The following PNKP variants were observed in gnomAD, a reference collection of about 807,000 sequenced individuals.
The protein encoded by PNKP is bifunctional polynucleotide phosphatase/kinase.
Under a neutral mutation model 66.2 loss-of-function variants are expected in PNKP, and 82 were observed. The ratio of observed to expected loss-of-function variants is 1.24; its 90% CI spans 1.04 to 1.49. The LOEUF is 1.49. Among genes scored for constraint, PNKP ranks in the 40% most tolerant of loss-of-function variants. The pLI, the probability that PNKP is intolerant of heterozygous loss-of-function variation, is 0.00. For synonymous variants in PNKP, 412 were observed against 298.9 expected (o/e 1.38, Z -3.90); for missense variants, 907 against 706.8 (o/e 1.28, Z -3.21).
rs1387710027 is a variant in PNKP at position 49,862,680 on chromosome 19, A to G, written c.865+10T>C. 6.2e-7 allele frequency: 1 copy of G among 1,614,036 alleles called. No homozygotes were observed. Among genetic ancestry groups the G allele is most frequent in the South Asian group, 1.1e-5 (1 of 91,086 alleles). On this transcript the variant is annotated intron_variant, in intron 9 of 16. Transcript: ENST00000322344. ...TCCCAGCCCACCCTCAGCAGCCTCCAGGCCCTTACCTCCCACAAAGATGCT... is the reference window on the plus strand; with the variant it reads ...TCCCAGCCCACCCTCAGCAGCCTCCGGGCCCTTACCTCCCACAAAGATGCT...
At chr19:49,867,020 A>G (rs770449103) in intron 2 of PNKP, 34 bp downstream of exon 2, 1 of 1,608,168 alleles carries the variant, frequency 6.2e-7, no homozygotes, top group Non-Finnish European at 8.5e-7. Context: ...CTTTTGCAGC[A>G]GGCCACACCC....
chr19:49,863,839 C>A (rs758589572), intron 7 of PNKP, 79 bp from the exon 8 acceptor site: 4 of 1,417,434 alleles, frequency 2.8e-6, no homozygotes, highest in East Asian at 4.9e-5. Context: ...GAATTTGTAG[C>A]TGATGATGGG....
Position 49,867,099 on chromosome 19 carries a change from C to A in PNKP, c.106G>T (p.Gly36Ter). 6.2e-7 allele frequency: 1 copy of A among 1,613,732 alleles called. No homozygotes were observed. The highest frequency in any genetic ancestry group is 1.1e-5 in the South Asian group (1 of 91,082). ...SDGQALVLGR[G>*]PLTQVTDRKC... ...CGGTCCGTAACCTGGGTCAGGGGTC[C>A]CCTGCCCAGGACCAGGGCTTGCCCG... The change falls in exon 2 of 17, where the codon GGA becomes TGA. Residue 36 changes from glycine (G) to a stop codon, truncating the protein, a stop_gained. Transcript: ENST00000322344. LOFTEE classifies it high-confidence loss of function.
At position 49,862,588 on chromosome 19, in the gene PNKP, T is replaced by C; in HGVS notation, c.886A>G (p.Asn296Asp). ...TTCTTCTTCCGCCCCGGGGCCCAGT[T>C]GGCCGGGCGTCCGGCTGCGTCTGGA... ...FVGDAAGRPA[N>D]WAPGRKKKDF... Residue 296 changes from asparagine (N) to aspartate (D), a missense_variant, in exon 10 of 17, where the codon AAC becomes GAC. Physicochemically the swap from Asn to Asp is conservative, Grantham distance 23. Transcript: ENST00000322344. 1 of 1,613,484 alleles carries C rather than the reference T, an allele frequency of 6.2e-7. No individual in the cohort carries two copies. The highest frequency in any genetic ancestry group is 2.2e-5 in the East Asian group (1 of 44,850).
intron 13 of PNKP, 73 bp downstream of exon 13, chr19:49,861,971 C>A: frequency 6.3e-7 from 1 of 1,594,562 alleles, no homozygotes. Context: ...TGGAGGAAAG[C>A]CGCCCCAAAC....
Position 49,867,124 on chromosome 19 carries a change from G to A in PNKP, c.81C>T (p.Asp27=), listed in dbSNP as rs1226961947. The A allele has an allele frequency of 1.2e-6, 2 of 1,613,270 alleles. No homozygotes were observed. The highest frequency in any genetic ancestry group is 1.7e-5 in the Admixed American group (1 of 60,026). Residue 27 remains aspartate (D), a synonymous_variant, in exon 2 of 17, where the codon GAC becomes GAT. Transcript: ENST00000322344. ...CCCTGCCCAGGACCAGGGCTTGCCC[G>A]TCCGAGGGCAGGAAGATGGGGGGCG... ...GGAPPIFLPS[D]GQALVLGRGP... is the part of the protein sequence containing the mutation.
At chr19:49,866,563 C>CTA in intron 2 of PNKP, 118 bp from the exon 3 acceptor site, 1 of 960,932 alleles carries the variant, frequency 1.0e-6, no homozygotes, top group Non-Finnish European at 1.7e-6. Context: ...CAGTTTATTT[C>CTA]TACATGGGAT....
Position 49,866,792 on chromosome 19 carries a change from G to A in PNKP, c.151+262C>T, listed in dbSNP as rs190653738. On this transcript the variant is annotated intron_variant, in intron 2 of 16. Transcript: ENST00000322344. ...CATTTTTCTCTTGACGAAGGTCGTC[G>A]CCTGTTTCTGGATTTCCCGATGGCC... 1.6e-3 allele frequency: 964 copies of A among 597,708 alleles called. 10 individuals are homozygous for A. In the Middle Eastern group the frequency reaches 0.025, roughly 15 times the overall value. 37.0% of individuals were successfully genotyped at this position (597,708 alleles called of 1,614,324 possible). A position where few individuals can be genotyped will look rare whatever the true frequency, so the allele number is the denominator to read the frequency against.
chr19:49,861,232 G>A lies in PNKP; in HGVS notation c.*16C>T, dbSNP rs1482093239. 2 of 1,506,660 alleles carry A rather than the reference G, an allele frequency of 1.3e-6. No individual in the cohort carries two copies. Among genetic ancestry groups the A allele is most frequent in the Non-Finnish European group, 1.8e-6 (2 of 1,082,566 alleles). 93.3% of individuals were successfully genotyped at this position (1,506,660 alleles called of 1,614,324 possible). On this transcript the variant is annotated 3_prime_UTR_variant, in exon 17 of 17. Coordinates refer to ENST00000322344, the MANE Select transcript of PNKP (RefSeq NM_007254.4). ...AGGAGAAACAGCGTTTATTGTGGAG[G>A]GGAGCTGGGCGGGGCTCAGCCCTCG...
At position 49,864,077 on chromosome 19, in the gene PNKP, G is replaced by A. The variant is rs1421820816; in HGVS notation, c.637-6C>T. On this transcript the variant is annotated splice_region_variant and splice_polypyrimidine_tract_variant and intron_variant, in intron 6 of 16. Coordinates refer to ENST00000322344, the MANE Select transcript of PNKP (RefSeq NM_007254.4). ...TGGTTGGTGAAGATCACCAGCTGGG[G>A]AGCAAAGGGTGTCACCAGACGCTCT... 4 of 1,613,432 alleles carry A rather than the reference G, an allele frequency of 2.5e-6. No individual in the cohort carries two copies. The highest frequency in any genetic ancestry group is 3.4e-6 in the Non-Finnish European group (4 of 1,179,732).
At position 49,864,164 on chromosome 19, in the gene PNKP, G is replaced by T. The variant is rs773988123; in HGVS notation, c.636+15C>A. 1 of 1,612,818 alleles carries T rather than the reference G, an allele frequency of 6.2e-7. No homozygotes were observed. Among genetic ancestry groups the T allele is most frequent in the African/African-American group, 1.3e-5 (1 of 74,916 alleles). The stretch of plus-strand genomic sequence containing the variant: ...CCACGTGCACGTGCCCATGCAGACA[G>T]GCGGCTGCACATACCTTGTAGCCCT... On this transcript the variant is annotated intron_variant, in intron 6 of 16. Transcript: ENST00000322344.
In PNKP at chr19:49,861,892, G is replaced by T; in HGVS notation, c.1189-11C>A. The T allele has an allele frequency of 6.3e-7, 1 of 1,578,512 alleles. No homozygotes were observed. Among genetic ancestry groups the T allele is most frequent in the South Asian group, 1.1e-5 (1 of 88,706 alleles). On this transcript the variant is annotated splice_polypyrimidine_tract_variant and intron_variant, in intron 13 of 16. Transcript: ENST00000322344. Reference sequence around the variant, plus strand: ...GGAGCCTAGCGTGTCCTGGGGACACGAGAGGTCACAAACAGATCGGCAGAC... The same window carrying T: ...GGAGCCTAGCGTGTCCTGGGGACACTAGAGGTCACAAACAGATCGGCAGAC...
chr19:49,866,243 G>A (rs1243365106), intron 3 of PNKP, 156 bp downstream of exon 3: 3 of 751,110 alleles, frequency 4.0e-6, no homozygotes, highest in East Asian at 2.5e-5. Flanking sequence ...CAAGCGATCC[G>A]CCCGCCTCGG....
rs746607054 is a variant in PNKP at position 49,862,597 on chromosome 19, G to C, written c.877C>G (p.Arg293Gly). Residue 293 changes from arginine to glycine, a missense_variant, in exon 10 of 17, where the codon CGC becomes GGC. Coordinates refer to ENST00000322344, the MANE Select transcript of PNKP (RefSeq NM_007254.4). ...CGCCCCGGGGCCCAGTTGGCCGGGC[G>C]TCCGGCTGCGTCTGGAACACACGGG... ...DSIFVGDAAG[R>G]PANWAPGRKK... The C allele has an allele frequency of 1.9e-6, 3 of 1,613,510 alleles. No homozygotes were observed. Among genetic ancestry groups the C allele is most frequent in the Non-Finnish European group, 2.5e-6 (3 of 1,179,788 alleles).
Position 49,861,599 on chromosome 19 carries a change from C to A in PNKP, c.1386+9G>T, listed in dbSNP as rs756469407. The A allele has an allele frequency of 6.4e-7, 1 of 1,558,434 alleles. No individual in the cohort carries two copies. Among genetic ancestry groups the A allele is most frequent in the Non-Finnish European group, 8.7e-7 (1 of 1,152,380 alleles). On this transcript the variant is annotated intron_variant, in intron 15 of 16. Coordinates refer to ENST00000322344, the MANE Select transcript of PNKP (RefSeq NM_007254.4). Reference sequence around the variant, plus strand: ...CAGCCCGGGGGGTGTCCGGGCTGAGCGGGCTCACCCGGTTGTTGTGGCGCG... The same window carrying A: ...CAGCCCGGGGGGTGTCCGGGCTGAGAGGGCTCACCCGGTTGTTGTGGCGCG...
chr19:49,861,725 C>T (rs1424445765), intron 14 of PNKP, 30 bp from the exon 15 acceptor site: 9 of 1,549,032 alleles, frequency 5.8e-6, no homozygotes, highest in Non-Finnish European at 7.0e-6. Context: ...ATGTGCAGGC[C>T]CCGCCCACCC....
At position 49,863,977 on chromosome 19, in the gene PNKP, C is replaced by A. The variant is rs777786941; in HGVS notation, c.731G>T (p.Gly244Val). The change falls in exon 7 of 17, where the codon GGG becomes GTG. Residue 244 changes from glycine to valine, a missense_variant. Transcript: ENST00000322344. ...AKVEAVVEKL[G>V]VPFQVLVATH... The stretch of plus-strand genomic sequence containing the variant: ...TTCCAGCCATACCTGGAAGGGGACC[C>A]CCAGCTTCTCCACCACAGCCTCCAC... 4 of 1,613,372 alleles carry A rather than the reference C, an allele frequency of 2.5e-6. No homozygotes were observed. The South Asian group carries it at 3.3e-5, about 13-fold the overall frequency.
chr19:49,862,948 C>G, intron 8 of PNKP: 2 of 660,222 alleles, frequency 3.0e-6, no homozygotes, highest in Admixed American at 4.2e-5. Flanking sequence ...TCCAGGTCTC[C>G]CGACTTCACC....
Position 49,862,536 on chromosome 19 carries a change from A to T in PNKP, c.936+2T>A, listed in dbSNP as rs1294952377. ...GCGCGGGGCAGGGGGCAGGGGCCTC[A>T]CCAGGCGATCGGCGCAGGAGAAGTC... On this transcript the variant is annotated splice_donor_variant, in intron 10 of 16. Coordinates refer to ENST00000322344, the MANE Select transcript of PNKP (RefSeq NM_007254.4). LOFTEE classifies it high-confidence loss of function. 1.2e-6 allele frequency: 2 copies of T among 1,608,784 alleles called. No individual in the cohort carries two copies. The highest frequency in any genetic ancestry group is 1.3e-5 in the African/African-American group (1 of 74,808).
Sources: gnomAD v4.1 joint callset for allele counts on GRCh38, gnomAD v4.1.1 for gene constraint, MANE v1.5 for transcripts, NCBI Gene and HGNC (gene_info 2026-07-23, HGNC 2026-07-21) for gene names.